DMRT1: variants seen among roughly 807,000 people sequenced by gnomAD.
DMRT1 encodes the protein doublesex and mab-3 related transcription factor 1.
Under a neutral mutation model 32.3 loss-of-function variants are expected in DMRT1, and 7 were observed. The ratio of observed to expected loss-of-function variants is 0.22; its 90% CI spans 0.12 to 0.41. DMRT1 has a LOEUF of 0.41. Ranked by LOEUF, DMRT1 falls within the 10% of genes least tolerant of loss-of-function variation. DMRT1 has a pLI of 1.00. For missense variants in DMRT1, 625 were observed against 500.5 expected (o/e 1.25, Z -2.37); for synonymous variants, 278 against 206.1 (o/e 1.35, Z -2.99).
intron 3 of DMRT1, 141 bp from the exon 4 acceptor site, chr9:916,622 C>T (rs534455970): frequency 5.0e-6 from 5 of 994,264 alleles, no homozygotes; most frequent in Non-Finnish European, 7.8e-6. Context: ...TCCTCCCGCC[C>T]TGGCCTCCCA....
At chr9:901,085 G>A (rs745527861) in intron 3 of DMRT1, among the ~76,000 whole-genome samples, 1 of 151,966 alleles carries the variant, frequency 6.6e-6, no homozygotes, top group Non-Finnish European at 1.5e-5. Context: ...CATGATCTCA[G>A]TTCACTGTAG....
At chr9:853,379 T>C (rs1416695740) in intron 2 of DMRT1, among the ~76,000 whole-genome samples, 1 of 152,216 alleles carries the variant, frequency 6.6e-6, no homozygotes, top group African/African-American at 2.4e-5. Flanking sequence ...TCCTAAAAAT[T>C]CTCTGTGGGG....
intron 2 of DMRT1, among the ~76,000 whole-genome samples, chr9:862,076 C>G (rs373933670): frequency 1.6e-4 from 24 of 148,606 alleles, no homozygotes; most frequent in South Asian, 4.3e-4. Context: ...CAGGCAGAGA[C>G]GCTCCTCACT....
At chr9:864,606 C>T (rs1387837892) in intron 2 of DMRT1, among the ~76,000 whole-genome samples, 2 of 149,824 alleles carry the variant, frequency 1.3e-5, no homozygotes, top group Non-Finnish European at 2.9e-5. Flanking sequence ...TCATGCCATT[C>T]TCCTTCCTCA....
intron 2 of DMRT1, among the ~76,000 whole-genome samples, chr9:858,538 A>T (rs1256246283): frequency 6.6e-6 from 1 of 152,102 alleles, no homozygotes; most frequent in Non-Finnish European, 1.5e-5. Flanking sequence ...ACTTATTTTT[A>T]AAAACTCTCT....
At chr9:900,227 C>T (rs1024044394) in intron 3 of DMRT1, among the ~76,000 whole-genome samples, 1 of 152,062 alleles carries the variant, frequency 6.6e-6, no homozygotes, top group Non-Finnish European at 1.5e-5. Flanking sequence ...AAAGTGCCCC[C>T]TTGTGAGTGT....
intron 1 of DMRT1, 72 bp downstream of exon 1, chr9:842,264 T>G (rs1306303833): frequency 6.8e-7 from 1 of 1,479,854 alleles, no homozygotes; most frequent in Admixed American, 2.3e-5. Context: ...AGATGGAGTC[T>G]CGCTCGGTTG....
Position 902,093 on chromosome 9 carries a change from C to T in DMRT1, c.822+7898C>T, listed in dbSNP as rs10117191. On this transcript the variant is annotated intron_variant, in intron 3 of 4. Coordinates refer to ENST00000382276, the MANE Select transcript of DMRT1 (RefSeq NM_021951.3). Reference sequence around the variant, plus strand: ...CCCAGCTAATTTTTGTATTTTTAGTCGAGATGGGGTTTTGCCATGTTGGCC... The same window carrying T: ...CCCAGCTAATTTTTGTATTTTTAGTTGAGATGGGGTTTTGCCATGTTGGCC... Among the ~76,000 whole-genome samples, 608 of 146,222 alleles carry T rather than the reference C, an allele frequency of 4.2e-3. 3 individuals are homozygous for T. Among genetic ancestry groups the T allele is most frequent in the African/African-American group, 0.014 (556 of 39,324 alleles).
chr9:924,502 C>T (rs1451636076), intron 4 of DMRT1, among the ~76,000 whole-genome samples: 1 of 152,150 alleles, frequency 6.6e-6, no homozygotes, highest in African/African-American at 2.4e-5. Context: ...CTCTCATATA[C>T]TTGTATGTAG....
chr9:900,558 A>G (rs1043896688), intron 3 of DMRT1, among the ~76,000 whole-genome samples: 3 of 152,118 alleles, frequency 2.0e-5, no homozygotes, highest in African/African-American at 7.2e-5. Context: ...CCATGGGAAG[A>G]CAAGGCGGAA....
intron 3 of DMRT1, among the ~76,000 whole-genome samples, chr9:916,214 G>A (rs1818175818): frequency 6.6e-6 from 1 of 152,128 alleles, no homozygotes; most frequent in Non-Finnish European, 1.5e-5. Flanking sequence ...TTTTGTACTG[G>A]TTAATCGAGC....
chr9:852,629 A>G (rs1815202992), intron 2 of DMRT1, among the ~76,000 whole-genome samples: 1 of 152,162 alleles, frequency 6.6e-6, no homozygotes, highest in Non-Finnish European at 1.5e-5. Flanking sequence ...ATTGTAGATA[A>G]TTCAGTTCTG....
chr9:891,422 G>T (rs1817144576), intron 2 of DMRT1, among the ~76,000 whole-genome samples: 2 of 149,202 alleles, frequency 1.3e-5, no homozygotes, highest in East Asian at 2.0e-4. Flanking sequence ...CTGCACTCCA[G>T]CCTGGGCGAC....
rs1308467228 is a variant in DMRT1, at chr9:907,050, G to A, written c.823-9713G>A. 3.9e-5 allele frequency among the ~76,000 whole-genome samples: 6 copies of A among 152,050 alleles called. No homozygotes were observed. The East Asian group carries it at 1.2e-3, about 29-fold the overall frequency. On this transcript the variant is annotated intron_variant, in intron 3 of 4. Transcript: ENST00000382276. ...TGAAATTTGGTTAATCTTATCGTCAGTAACCAGTATTTTCTCAGGAAAATT... is the reference window on the plus strand; with the variant it reads ...TGAAATTTGGTTAATCTTATCGTCAATAACCAGTATTTTCTCAGGAAAATT...
chr9:889,019 G>A (rs771091926), intron 2 of DMRT1, among the ~76,000 whole-genome samples: 5 of 151,754 alleles, frequency 3.3e-5, no homozygotes, highest in Non-Finnish European at 7.4e-5. Context: ...ATTGCTGGGC[G>A]CCATTCTCGG....
At chr9:954,181 G>C (rs1023589447) in intron 4 of DMRT1, among the ~76,000 whole-genome samples, 1 of 152,108 alleles carries the variant, frequency 6.6e-6, no homozygotes, top group African/African-American at 2.4e-5. Flanking sequence ...CAATCAGATT[G>C]CTCTTGAAAT....
chr9:861,401 C>T (rs543217464), intron 2 of DMRT1, among the ~76,000 whole-genome samples: 5 of 151,810 alleles, frequency 3.3e-5, no homozygotes, highest in South Asian at 4.1e-4. Context: ...TATAGATTAA[C>T]AGCATCCCAA....
chr9:850,879 A>C (rs1315783495), intron 2 of DMRT1, among the ~76,000 whole-genome samples: 2 of 152,028 alleles, frequency 1.3e-5, no homozygotes, highest in African/African-American at 2.4e-5. Context: ...AAATATAAAA[A>C]TTAGCTGGGC....
intron 2 of DMRT1, among the ~76,000 whole-genome samples, chr9:883,514 G>A (rs1194396781): frequency 2.0e-5 from 3 of 151,890 alleles, no homozygotes; most frequent in African/African-American, 2.4e-5. Context: ...AGGAGAGCCC[G>A]GGTGCAGCGA....
Sources: allele counts gnomAD v4.1 joint callset (sites outside exome capture counted in the v4.1 genomes callset), GRCh38; gene constraint gnomAD v4.1.1; transcripts MANE v1.5; gene names NCBI Gene and HGNC (gene_info 2026-07-23, HGNC 2026-07-21).